The following TTC28 variants were observed in gnomAD, a reference collection of about 807,000 sequenced individuals.
The protein encoded by TTC28 is tetratricopeptide repeat protein 28.
Under a neutral mutation model 198.0 loss-of-function variants are expected in TTC28, and 61 were observed. That is an observed-to-expected ratio of 0.31 (90% CI 0.25 to 0.38). The LOEUF is 0.38. Ranked by LOEUF, TTC28 falls within the 10% of genes least tolerant of loss-of-function variation. The pLI is 1.00. For synonymous variants in TTC28, 1,171 were observed against 1,297.8 expected, an observed-to-expected ratio of 0.90 and a Z score of 2.10; for missense variants, 2,678 against 3,164.0, an observed-to-expected ratio of 0.85 and a Z score of 3.69.
chr22:28,068,096 C>T (rs1047505857), intron 12 of TTC28, among the ~76,000 whole-genome samples: 4 of 152,162 alleles, frequency 2.6e-5, no homozygotes, highest in Non-Finnish European at 5.9e-5. Context: ...AACACCCACA[C>T]GTCTCAAACA....
chr22:28,333,149 G>T (rs940854445), intron 2 of TTC28, among the ~76,000 whole-genome samples: 1 of 151,998 alleles, frequency 6.6e-6, no homozygotes, highest in Non-Finnish European at 1.5e-5. Context: ...TACAAGAACC[G>T]ATTTAGTCTA....
At chr22:28,225,593 T>C (rs1928273097) in intron 5 of TTC28, among the ~76,000 whole-genome samples, 1 of 152,118 alleles carries the variant, frequency 6.6e-6, no homozygotes, top group Admixed American at 6.5e-5. Context: ...ATTGCACAGA[T>C]AATTGAAAAT....
At chr22:27,996,652 G>A (rs1341347792) in intron 16 of TTC28, among the ~76,000 whole-genome samples, 1 of 150,948 alleles carries the variant, frequency 6.6e-6, no homozygotes, top group African/African-American at 2.4e-5. Context: ...CCATGGGGAG[G>A]TGGGGAGCGG....
intron 2 of TTC28, among the ~76,000 whole-genome samples, chr22:28,607,930 G>C (rs1377862386): frequency 6.6e-6 from 1 of 152,064 alleles, no homozygotes; most frequent in African/African-American, 2.4e-5. Context: ...CCTCACAGTG[G>C]TTGTTTATAC....
chr22:28,162,988 T>G (rs1264411392), intron 6 of TTC28, 104 bp downstream of exon 6: 1 of 1,365,988 alleles, frequency 7.3e-7, no homozygotes, highest in African/African-American at 1.5e-5. Context: ...AAGGATATTC[T>G]TTTAAATATA....
intron 5 of TTC28, among the ~76,000 whole-genome samples, chr22:28,171,860 T>C (rs776694371): frequency 6.6e-5 from 10 of 152,186 alleles, no homozygotes; most frequent in Non-Finnish European, 1.2e-4. Flanking sequence ...CTTGGTTGTG[T>C]ACTGGCCTCA....
Position 27,993,457 on chromosome 22 carries a change from T to C in TTC28, c.5306A>G (p.Gln1769Arg), listed in dbSNP as rs1937487586. The C allele has an allele frequency of 4.5e-6, 7 of 1,551,516 alleles. No individual in the cohort carries two copies. In the African/African-American group the frequency reaches 8.2e-5, roughly 18 times the overall value. The change falls in exon 18 of 23, where the codon CAG (glutamine) becomes CGG (arginine). Residue 1769 changes from glutamine to arginine, a missense_variant. Physicochemically the swap from Gln to Arg is conservative, Grantham distance 43. Coordinates refer to ENST00000397906, the MANE Select transcript of TTC28 (RefSeq NM_001145418.2). ...GCCGCCCACTTTGTTCTCCACACTC[T>C]GCTGGGATGTGTACATGGCATTGCG... ...GQRNAMYTSQ[Q>R]SVENKVGGIP... is the part of the protein sequence containing the mutation.
At chr22:28,392,324 A>C (rs919951150) in intron 2 of TTC28, among the ~76,000 whole-genome samples, 2 of 152,186 alleles carry the variant, frequency 1.3e-5, no homozygotes, top group African/African-American at 4.8e-5. Flanking sequence ...CCAGAGGTGG[A>C]GCCTACAGAG....
At chr22:28,288,518 G>C (rs1286748836) in intron 5 of TTC28, among the ~76,000 whole-genome samples, 1 of 152,114 alleles carries the variant, frequency 6.6e-6, no homozygotes, top group African/African-American at 2.4e-5. Context: ...ACTTCAAAGA[G>C]TTATATAGGC....
At position 28,085,470 on chromosome 22, in the gene TTC28, T is replaced by C. The variant is rs565666636; in HGVS notation, c.3932+8610A>G. 1.6e-4 allele frequency among the ~76,000 whole-genome samples: 24 copies of C among 152,254 alleles called. 1 individual carries two copies. Among genetic ancestry groups the C allele is most frequent in the African/African-American group, 4.1e-4 (17 of 41,556 alleles). ...ACAGACAAGCAAATGCTGACAGATT[T>C]TGTCACCACCAGGCCTGCCCTAAAA... On this transcript the variant is annotated intron_variant, in intron 12 of 22. Coordinates refer to ENST00000397906, the MANE Select transcript of TTC28 (RefSeq NM_001145418.2).
At position 28,469,788 on chromosome 22, in the gene TTC28, C is replaced by A. The variant is rs147232147; in HGVS notation, c.381+159764G>T. On this transcript the variant is annotated intron_variant, in intron 2 of 22. Transcript: ENST00000397906. ...GTGAAATTAATTTCAGACTTTTGAG[C>A]TTCCAGAACTTTTAATTTCTAATTT... 2.1e-3 allele frequency among the ~76,000 whole-genome samples: 313 copies of A among 152,224 alleles called. 3 individuals are homozygous for A. The highest frequency in any genetic ancestry group is 1.5e-3 in the East Asian group (8 of 5,182).
At chr22:28,625,015 T>A (rs1001511560) in intron 2 of TTC28, among the ~76,000 whole-genome samples, 1 of 151,904 alleles carries the variant, frequency 6.6e-6, no homozygotes, top group Non-Finnish European at 1.5e-5. Flanking sequence ...TTTCAATAGA[T>A]GAAGAAAAAA....
chr22:28,622,652 G>T (rs1359828306), intron 2 of TTC28, among the ~76,000 whole-genome samples: 1 of 152,060 alleles, frequency 6.6e-6, no homozygotes, highest in East Asian at 1.9e-4. Context: ...GTCCAATTTT[G>T]GCAGAAATTG....
intron 2 of TTC28, among the ~76,000 whole-genome samples, chr22:28,606,721 C>T (rs912104836): frequency 6.6e-6 from 1 of 152,016 alleles, no homozygotes; most frequent in Non-Finnish European, 1.5e-5. Context: ...TAGATTCAAA[C>T]GCATACAAAT....
chr22:28,525,457 C>T (rs751294357), intron 2 of TTC28, among the ~76,000 whole-genome samples: 1 of 152,134 alleles, frequency 6.6e-6, no homozygotes, highest in Non-Finnish European at 1.5e-5. Context: ...ATCCAGCCTC[C>T]TAAGTTTTGT....
In TTC28 at chr22:27,983,512, T is replaced by C. The variant is rs1185874637; in HGVS notation, c.6155A>G (p.Asp2052Gly). ...AGAAAACCCTTCATATTCTTCTTCA[T>C]CTTTGTTGCCTGCAGGGCGGGTCTG... is the stretch of plus-strand genomic sequence containing the variant. Reference protein sequence around the residue: ...PPQTRPAGNKDEEEYEGFSII... With the variant: ...PPQTRPAGNKGEEEYEGFSII... The change falls in exon 23 of 23, where the codon GAT (aspartate) becomes GGT (glycine). Residue 2052 changes from aspartate (D) to glycine (G), a missense_variant. This residue lies in a region of TTC28 where 622 missense variants were observed against 656.0 expected (regional missense o/e 0.95). Coordinates refer to ENST00000397906, the MANE Select transcript of TTC28 (RefSeq NM_001145418.2). 6.5e-7 allele frequency: 1 copy of C among 1,549,294 alleles called. No homozygotes were observed. The highest frequency in any genetic ancestry group is 1.4e-5 in the African/African-American group (1 of 72,726).
intron 12 of TTC28, among the ~76,000 whole-genome samples, chr22:28,059,519 C>G (rs988861462): frequency 6.6e-6 from 1 of 151,968 alleles, no homozygotes; most frequent in Non-Finnish European, 1.5e-5. Flanking sequence ...ATATGATGTT[C>G]TATAACTATA....
intron 1 of TTC28, among the ~76,000 whole-genome samples, chr22:28,670,704 CATATATATAT>C (rs146059811): frequency 7.8e-6 from 1 of 128,554 alleles, no homozygotes; most frequent in Non-Finnish European, 1.7e-5. Flanking sequence ...GTCTTTAGGG[CATATATATAT>C]ATATATATAT....
intron 12 of TTC28, among the ~76,000 whole-genome samples, chr22:28,078,842 A>G (rs2146799676): frequency 6.6e-6 from 1 of 152,274 alleles, no homozygotes; most frequent in South Asian, 2.1e-4. Flanking sequence ...CAGAGAAGAT[A>G]GGAATTTGAA....
Sources: gnomAD v4.1 joint callset for allele counts (sites outside exome capture counted in the v4.1 genomes callset) on GRCh38, gnomAD v4.1.1 for gene constraint, gnomAD v4.1.1 regional missense constraint, MANE v1.5 for transcripts, NCBI Gene and HGNC (gene_info 2026-07-23, HGNC 2026-07-21) for gene names.